The following CDKAL1 variants were observed in gnomAD, a reference collection of about 807,000 sequenced individuals.
The protein encoded by CDKAL1 is threonylcarbamoyladenosine tRNA methylthiotransferase.
Under a neutral mutation model 68.2 loss-of-function variants are expected in CDKAL1, and 32 were observed. The ratio of observed to expected loss-of-function variants is 0.47; its 90% CI spans 0.35 to 0.63. CDKAL1 has a LOEUF of 0.63. CDKAL1 is among the 30% of genes least tolerant of loss of function. The pLI is 0.00. For synonymous variants in CDKAL1, 234 were observed against 244.3 expected (o/e 0.96, Z 0.39); for missense variants, 606 against 696.7 (o/e 0.87, Z 1.47).
At chr6:21,013,431 A>G (rs1352336645) in intron 11 of CDKAL1, among the ~76,000 whole-genome samples, 1 of 151,964 alleles carries the variant, frequency 6.6e-6, no homozygotes, top group African/African-American at 2.4e-5. Context: ...TGGGTGCATG[A>G]GATACTTTAG....
chr6:20,695,959 G>A (rs886588045), intron 5 of CDKAL1, among the ~76,000 whole-genome samples: 2 of 152,048 alleles, frequency 1.3e-5, no homozygotes, highest in African/African-American at 4.8e-5. Context: ...CCAATCCCTG[G>A]TAACGACGAT....
chr6:21,105,227 C>A (rs1773788492), intron 12 of CDKAL1, among the ~76,000 whole-genome samples: 1 of 152,212 alleles, frequency 6.6e-6, no homozygotes, highest in South Asian at 2.1e-4. Flanking sequence ...CCAAGGCTCA[C>A]AGAGCTAACA....
intron 11 of CDKAL1, among the ~76,000 whole-genome samples, chr6:21,033,823 T>C (rs561561443): frequency 6.6e-6 from 1 of 152,246 alleles, no homozygotes; most frequent in East Asian, 1.9e-4. Flanking sequence ...AAAAGGATGG[T>C]TAACAGTGGC....
At chr6:20,667,197 AAG>A (rs972411668) in intron 5 of CDKAL1, among the ~76,000 whole-genome samples, 5 of 152,218 alleles carry the variant, frequency 3.3e-5, no homozygotes, top group Non-Finnish European at 7.3e-5. Flanking sequence ...TGATACATTA[AAG>A]AGAGTCAGTG....
At chr6:21,191,799 T>A (rs1002683446) in intron 13 of CDKAL1, among the ~76,000 whole-genome samples, 1 of 151,492 alleles carries the variant, frequency 6.6e-6, no homozygotes, top group Non-Finnish European at 1.5e-5. Context: ...TTCTCATATC[T>A]TTTCAACAAG....
At chr6:21,001,120 C>G (rs9368265) in intron 11 of CDKAL1, among the ~76,000 whole-genome samples, 70,897 of 152,138 alleles carry the variant, frequency 0.47, 17,933 homozygotes, top group East Asian at 0.85. Flanking sequence ...ACTGTTCTCC[C>G]CTCTGGGGAT....
At chr6:20,584,782 A>T (rs1234569300) in intron 4 of CDKAL1, among the ~76,000 whole-genome samples, 1 of 152,208 alleles carries the variant, frequency 6.6e-6, no homozygotes, top group Non-Finnish European at 1.5e-5. Context: ...ATAGTTATTT[A>T]GACCTGCCGG....
chr6:20,618,987 A>G lies in CDKAL1; in HGVS notation c.287-30306A>G, dbSNP rs376848341. Among the ~76,000 whole-genome samples the G allele has an allele frequency of 3.9e-4, 59 of 152,224 alleles. 2 individuals carry two copies. In the East Asian group the frequency reaches 9.5e-3, roughly 24 times the overall value. On this transcript the variant is annotated intron_variant, in intron 4 of 15. Transcript: ENST00000274695. The stretch of plus-strand genomic sequence containing the variant: ...AGCCATTGCACCTGGTGATTTTTTC[A>G]GTTTCATATGAGAAAATATACTTCT...
chr6:20,635,532 T>C (rs1451933528), intron 4 of CDKAL1, among the ~76,000 whole-genome samples: 2 of 152,226 alleles, frequency 1.3e-5, no homozygotes, highest in South Asian at 2.1e-4. Context: ...ATACACTTAC[T>C]GGTTGAGCGT....
chr6:20,729,845 A>G (rs1054757322), intron 5 of CDKAL1, among the ~76,000 whole-genome samples: 2 of 151,592 alleles, frequency 1.3e-5, no homozygotes, highest in African/African-American at 4.9e-5. Context: ...CATGTTAGCT[A>G]CTCCTCGTGG....
intron 5 of CDKAL1, among the ~76,000 whole-genome samples, chr6:20,701,864 T>G (rs1256170841): frequency 6.6e-6 from 1 of 152,142 alleles, no homozygotes; most frequent in African/African-American, 2.4e-5. Flanking sequence ...AAATCAGCTT[T>G]CTTGAAGGAT....
At position 20,879,915 on chromosome 6, in the gene CDKAL1, T is replaced by C. The variant is rs74934622; in HGVS notation, c.742+33737T>C. ...ACTCTGACTGTCCATTTTTAAACTA[T>C]GGTATGAATTTTGTCTGTCATTTTC... On this transcript the variant is annotated intron_variant, in intron 9 of 15. Coordinates refer to ENST00000274695, the MANE Select transcript of CDKAL1 (RefSeq NM_017774.3). Among the ~76,000 whole-genome samples, 1,315 of 152,338 alleles carry C rather than the reference T, an allele frequency of 8.6e-3. 26 individuals carry two copies. Among genetic ancestry groups the C allele is most frequent in the African/African-American group, 0.03 (1,241 of 41,572 alleles).
In CDKAL1 at chr6:21,229,588, T is replaced by G. The variant is rs745664533; in HGVS notation, c.1549-1260T>G. 3.0e-4 allele frequency among the ~76,000 whole-genome samples: 46 copies of G among 152,182 alleles called. 1 individual carries two copies. Among genetic ancestry groups the G allele is most frequent in the Middle Eastern group, 6.3e-3 (2 of 316 alleles). On this transcript the variant is annotated intron_variant, in intron 15 of 15. Transcript: ENST00000274695. ...GGAAGACTGAGCAAAGTACCATGGT[T>G]GTTCAAAGATACTTTGTGCTTCTGT...
At chr6:20,906,337 A>G (rs933699284) in intron 9 of CDKAL1, among the ~76,000 whole-genome samples, 8 of 152,134 alleles carry the variant, frequency 5.3e-5, no homozygotes, top group Non-Finnish European at 7.4e-5. Context: ...AAAGGAGCAG[A>G]GTTTTTGTAT....
chr6:20,673,408 A>G (rs901673885), intron 5 of CDKAL1, among the ~76,000 whole-genome samples: 1 of 152,252 alleles, frequency 6.6e-6, no homozygotes, highest in African/African-American at 2.4e-5. Context: ...CTAATAGTAT[A>G]AATGCTAGAT....
chr6:20,777,868 A>C (rs1310099831), intron 7 of CDKAL1, among the ~76,000 whole-genome samples: 1 of 152,216 alleles, frequency 6.6e-6, no homozygotes, highest in African/African-American at 2.4e-5. Context: ...GTGAGAAAAT[A>C]GAATAATTAT....
chr6:20,979,795 A>G lies in CDKAL1; in HGVS notation c.910-20432A>G, dbSNP rs1166953538. 4.0e-4 allele frequency among the ~76,000 whole-genome samples: 57 copies of G among 142,884 alleles called. No homozygotes were observed. The South Asian group carries it at 0.011, about 28-fold the overall frequency. 93.7% of individuals were successfully genotyped at this position (142,884 alleles called of 152,430 possible). On this transcript the variant is annotated intron_variant, in intron 10 of 15. Transcript: ENST00000274695. ...ATCTTTTTTTTTTTTTTTTTGGGAC[A>G]GCATCTCACTTTGTCACCCATGCTG... is the stretch of plus-strand genomic sequence containing the variant.
At chr6:20,609,736 A>AT (rs113891579) in intron 4 of CDKAL1, among the ~76,000 whole-genome samples, 9,981 of 151,658 alleles carry the variant, frequency 0.066, 435 homozygotes, top group African/African-American at 0.12. Context: ...GGTATATATG[A>AT]TTTTTCCTTT....
intron 8 of CDKAL1, among the ~76,000 whole-genome samples, chr6:20,845,228 C>G (rs905680885): frequency 6.6e-6 from 1 of 152,070 alleles, no homozygotes; most frequent in South Asian, 2.1e-4. Flanking sequence ...TTATAGCAAT[C>G]GAATCACTGA....
Sources: gnomAD v4.1 joint callset for allele counts (sites outside exome capture counted in the v4.1 genomes callset) on GRCh38, gnomAD v4.1.1 for gene constraint, MANE v1.5 for transcripts, NCBI Gene and HGNC (gene_info 2026-07-23, HGNC 2026-07-21) for gene names.